The following RBM47 variants were observed in gnomAD, a reference collection of about 807,000 sequenced individuals.
The protein encoded by RBM47 is RNA-binding protein 47.
RBM47 carries 21 observed loss-of-function variants against 47.1 expected under a neutral mutation model. That is an observed-to-expected ratio of 0.45 (90% CI 0.32 to 0.64). RBM47 has a LOEUF of 0.64. RBM47 is among the 30% of genes least tolerant of loss of function. The probability of loss-of-function intolerance (pLI) is 0.05; values close to 1 mark genes in which losing one functional copy is unlikely to be tolerated. For missense variants in RBM47, 708 were observed against 870.9 expected, an observed-to-expected ratio of 0.81 and a Z score of 2.35; for synonymous variants, 375 against 361.7, an observed-to-expected ratio of 1.04 and a Z score of -0.42.
At chr4:40,439,435 T>C (rs1713287258) in intron 3 of RBM47, among the ~76,000 whole-genome samples, 1 of 152,202 alleles carries the variant, frequency 6.6e-6, no homozygotes, top group African/African-American at 2.4e-5. Context: ...GCTGTCATTG[T>C]ATAGAGAGAG....
At chr4:40,537,265 C>T (rs769131415) in intron 2 of RBM47, among the ~76,000 whole-genome samples, 11 of 138,830 alleles carry the variant, frequency 7.9e-5, no homozygotes, top group Non-Finnish European at 1.5e-4. Context: ...GGATGCACCA[C>T]CATGCCCAGC....
chr4:40,564,931 T>C (rs916670150), intron 1 of RBM47, among the ~76,000 whole-genome samples: 1 of 152,200 alleles, frequency 6.6e-6, no homozygotes, highest in Non-Finnish European at 1.5e-5. Context: ...GCGGAGCTTC[T>C]GAGCAAGGGC....
rs1256296949 is a variant in RBM47, at chr4:40,437,090, A to AAAAATATATAT, written c.1124-444_1124-443insATATATATTTT. ...CCCTGTCTCAAAAAAAAAAAAAAAA[A>AAAAATATATAT]ATATATATATATATATATATAAAAT... On this transcript the variant is annotated intron_variant, in intron 4 of 6. Transcript: ENST00000295971. Among the ~76,000 whole-genome samples the AAAAATATATAT allele has an allele frequency of 3.6e-4, 18 of 49,804 alleles. 2 individuals are homozygous for AAAAATATATAT. Among genetic ancestry groups the AAAAATATATAT allele is most frequent in the African/African-American group, 1.9e-3 (17 of 9,168 alleles). The allele number at this position is 49,804 out of a possible 152,430, so 32.7% of individuals were successfully genotyped here. A position where few individuals can be genotyped will look rare whatever the true frequency, so the allele number is the denominator to read the frequency against.
chr4:40,540,125 G>A (rs1043680115), intron 2 of RBM47, among the ~76,000 whole-genome samples: 11 of 151,872 alleles, frequency 7.2e-5, no homozygotes, highest in South Asian at 2.1e-4. Flanking sequence ...CCTACAGATC[G>A]CCACCATCTA....
At chr4:40,588,087 C>T (rs1733766610) in intron 1 of RBM47, among the ~76,000 whole-genome samples, 1 of 152,200 alleles carries the variant, frequency 6.6e-6, no homozygotes, top group African/African-American at 2.4e-5. Context: ...AAACACAAAG[C>T]CACGAGGTGT....
intron 3 of RBM47, among the ~76,000 whole-genome samples, chr4:40,451,184 CAAA>C (rs958122281): frequency 6.8e-4 from 35 of 51,468 alleles, no homozygotes; most frequent in African/African-American, 2.0e-3. Flanking sequence ...CAGTAGCTAC[CAAA>C]AAAAAAAAAA....
chr4:40,618,385 T>C (rs920145021), intron 1 of RBM47, among the ~76,000 whole-genome samples: 3 of 152,116 alleles, frequency 2.0e-5, no homozygotes, highest in Non-Finnish European at 2.9e-5. Flanking sequence ...GTCACGCCAC[T>C]GCACTGCAGT....
At chr4:40,618,391 G>T (rs1292950627) in intron 1 of RBM47, among the ~76,000 whole-genome samples, 1 of 152,042 alleles carries the variant, frequency 6.6e-6, no homozygotes, top group East Asian at 1.9e-4. Context: ...CCACTGCACT[G>T]CAGTCTGGTG....
intron 1 of RBM47, among the ~76,000 whole-genome samples, chr4:40,545,411 C>A (rs1382647958): frequency 2.7e-5 from 4 of 146,606 alleles, no homozygotes; most frequent in Admixed American, 6.7e-5. Context: ...CACCTGTAAT[C>A]CCAGCACTTT....
intron 2 of RBM47, among the ~76,000 whole-genome samples, chr4:40,488,426 T>A (rs1721422554): frequency 6.6e-6 from 1 of 152,190 alleles, no homozygotes; most frequent in African/African-American, 2.4e-5. Context: ...TCATAATTTA[T>A]GGTACTTCCA....
In RBM47 at chr4:40,628,028, G is replaced by A. The variant is rs1343720931; in HGVS notation, c.-240+1368C>T. Among the ~76,000 whole-genome samples the A allele has an allele frequency of 1.3e-5, 2 of 152,038 alleles. No individual in the cohort carries two copies. The highest frequency in any genetic ancestry group is 2.9e-5 in the Non-Finnish European group (2 of 68,018). On this transcript the variant is annotated intron_variant, in intron 1 of 6. Coordinates refer to ENST00000295971, the MANE Select transcript of RBM47 (RefSeq NM_001098634.2). This position sits in a 1 kb window ranked among gnomAD's most constrained non-coding sequence, Gnocchi z 4.0. ...CTTGATCTAATTAATTTAAAGCATG[G>A]CCTACCTAGCCAGGTAAAGGACGGC...
rs575164734 is a variant in RBM47 at position 40,516,283 on chromosome 4, C to T, written c.-155+28139G>A. ...TTTCTTTTTTTTTTTTTTTTTGAGA[C>T]GGATTCTCGCTCTGTCACCCAGGCT... On this transcript the variant is annotated intron_variant, in intron 2 of 6. Coordinates refer to ENST00000295971, the MANE Select transcript of RBM47 (RefSeq NM_001098634.2). 1.6e-4 allele frequency among the ~76,000 whole-genome samples: 19 copies of T among 120,260 alleles called. No individual in the cohort carries two copies. The East Asian group carries it at 4.3e-3, about 27-fold the overall frequency. The allele number at this position is 120,260 out of a possible 152,430, so 78.9% of individuals were successfully genotyped here. A position where few individuals can be genotyped will look rare whatever the true frequency, so the allele number is the denominator to read the frequency against.
Position 40,537,858 on chromosome 4 carries a change from G to A in RBM47, c.-155+6564C>T, listed in dbSNP as rs113928755. ...TCCTTCTTTTTTTTTTTTTAGATGC[G>A]ATGTCACTGTTTTGCCCAGACTAGA... On this transcript the variant is annotated intron_variant, in intron 2 of 6. Transcript: ENST00000295971. Among the ~76,000 whole-genome samples the A allele has an allele frequency of 2.3e-3, 336 of 148,522 alleles. 2 individuals carry two copies. Among genetic ancestry groups the A allele is most frequent in the African/African-American group, 7.5e-3 (301 of 40,220 alleles).
intron 3 of RBM47, among the ~76,000 whole-genome samples, chr4:40,444,796 C>A (rs184053551): frequency 6.6e-6 from 1 of 151,830 alleles, no homozygotes; most frequent in East Asian, 2.0e-4. Flanking sequence ...TCCTGAGTAG[C>A]TGGTATTACA....
At chr4:40,443,798 A>G (rs569326851) in intron 3 of RBM47, among the ~76,000 whole-genome samples, 2 of 147,274 alleles carry the variant, frequency 1.4e-5, no homozygotes, top group Non-Finnish European at 3.0e-5. Flanking sequence ...CTTATGGCCT[A>G]CAAGTTTTAT....
At chr4:40,550,712 C>T (rs1201392053) in intron 1 of RBM47, among the ~76,000 whole-genome samples, 1 of 152,066 alleles carries the variant, frequency 6.6e-6, no homozygotes, top group Non-Finnish European at 1.5e-5. Context: ...AGCCACCGCG[C>T]CTGGCCCTAT....
At chr4:40,626,757 G>C (rs954959150) in intron 1 of RBM47, among the ~76,000 whole-genome samples, 1 of 152,174 alleles carries the variant, frequency 6.6e-6, no homozygotes, top group Non-Finnish European at 1.5e-5. Context: ...GAGAGAAACA[G>C]AAGCAATCAG....
At chr4:40,474,601 G>A (rs1051982890) in intron 2 of RBM47, among the ~76,000 whole-genome samples, 1 of 152,160 alleles carries the variant, frequency 6.6e-6, no homozygotes, top group Non-Finnish European at 1.5e-5. Flanking sequence ...TTAGACCAAA[G>A]TAGAGTTCAA....
chr4:40,430,692 T>C (rs1303940858), intron 6 of RBM47, among the ~76,000 whole-genome samples: 1 of 152,214 alleles, frequency 6.6e-6, no homozygotes, highest in Non-Finnish European at 1.5e-5. Context: ...CAGGCCTGGC[T>C]CTGTTTCAGA....
Sources: gnomAD v4.1 joint callset for allele counts (sites outside exome capture counted in the v4.1 genomes callset) on GRCh38, gnomAD v4.1.1 for gene constraint, Gnocchi (gnomAD v3.1) non-coding constraint, MANE v1.5 for transcripts, NCBI Gene and HGNC (gene_info 2026-07-23, HGNC 2026-07-21) for gene names.